GRIN2A: variants seen among roughly 807,000 people sequenced by gnomAD.
GRIN2A encodes glutamate receptor ionotropic, NMDA 2A.
In GRIN2A, 22 loss-of-function variants were observed where a neutral mutation model predicts 113.4. That is an observed-to-expected ratio of 0.19 (90% CI 0.14 to 0.28). The LOEUF (loss-of-function observed/expected upper bound fraction) is 0.28. GRIN2A is among the 10% of genes least tolerant of loss of function. The probability of loss-of-function intolerance (pLI) is 1.00; values close to 1 mark genes in which losing one functional copy is unlikely to be tolerated. For missense variants in GRIN2A, 1,502 were observed against 1,887.0 expected (o/e 0.80, Z 3.78); for synonymous variants, 827 against 738.4 (o/e 1.12, Z -1.94).
At chr16:10,155,673 G>C (rs1199745692) in intron 2 of GRIN2A, among the ~76,000 whole-genome samples, 2 of 152,196 alleles carry the variant, frequency 1.3e-5, no homozygotes, top group Admixed American at 1.3e-4. Context: ...AAGGGAAAGA[G>C]GTTTAATGGA....
chr16:10,134,806 C>A (rs943955623), intron 2 of GRIN2A, among the ~76,000 whole-genome samples: 1 of 152,098 alleles, frequency 6.6e-6, no homozygotes, highest in African/African-American at 2.4e-5. Flanking sequence ...ACAGTTCTTT[C>A]CTAGATAATC....
chr16:10,159,594 C>T (rs12596846), intron 2 of GRIN2A, among the ~76,000 whole-genome samples: 5 of 152,060 alleles, frequency 3.3e-5, no homozygotes, highest in Non-Finnish European at 7.3e-5. Context: ...CAACAAGCAG[C>T]GGAGTCTGTC....
intron 2 of GRIN2A, among the ~76,000 whole-genome samples, chr16:10,026,677 C>G (rs1205727570): frequency 6.8e-6 from 1 of 147,376 alleles, no homozygotes; most frequent in Non-Finnish European, 1.5e-5. Context: ...AGACCACCAC[C>G]AGCAGACATG....
intron 10 of GRIN2A, among the ~76,000 whole-genome samples, chr16:9,811,569 G>A (rs1458463976): frequency 2.0e-5 from 3 of 152,102 alleles, no homozygotes; most frequent in African/African-American, 7.2e-5. Context: ...GACCAGCCTG[G>A]TACAACGTGG....
intron 4 of GRIN2A, among the ~76,000 whole-genome samples, chr16:9,866,246 A>T (rs749676624): frequency 6.6e-6 from 1 of 152,216 alleles, no homozygotes; most frequent in Non-Finnish European, 1.5e-5. Context: ...TGAGAGGCAG[A>T]TCTGATGAGG....
Position 9,754,508 on chromosome 16 carries a change from A to C in GRIN2A, c.*8641T>G, listed in dbSNP as rs1215482809. ...GTTCCACTTTCATCTTTTCAAATTCATCAAAAATTTCAAACAAGATCACCT... is the reference window on the plus strand; with the variant it reads ...GTTCCACTTTCATCTTTTCAAATTCCTCAAAAATTTCAAACAAGATCACCT... On this transcript the variant is annotated 3_prime_UTR_variant, in exon 13 of 13. Coordinates refer to ENST00000330684, the MANE Select transcript of GRIN2A (RefSeq NM_001134407.3). 1 of 212,250 alleles carries C rather than the reference A, an allele frequency of 4.7e-6. No homozygotes were observed. Among genetic ancestry groups the C allele is most frequent in the Non-Finnish European group, 9.5e-6 (1 of 104,904 alleles). The allele number at this position is 212,250 out of a possible 1,614,324, so 13.1% of individuals were successfully genotyped here.
At chr16:9,942,044 A>T (rs974715957) in intron 2 of GRIN2A, among the ~76,000 whole-genome samples, 7 of 152,158 alleles carry the variant, frequency 4.6e-5, no homozygotes, top group Non-Finnish European at 1.0e-4. Flanking sequence ...TTGTATCAAA[A>T]CACCCAGTGT....
chr16:9,959,147 A>G (rs2045374514), intron 2 of GRIN2A, among the ~76,000 whole-genome samples: 2 of 152,226 alleles, frequency 1.3e-5, no homozygotes, highest in Admixed American at 1.3e-4. Context: ...CAGTGTTACA[A>G]GGACAAGTAT....
At chr16:10,131,426 C>A (rs2049060641) in intron 2 of GRIN2A, among the ~76,000 whole-genome samples, 1 of 151,604 alleles carries the variant, frequency 6.6e-6, no homozygotes, top group Non-Finnish European at 1.5e-5. Flanking sequence ...TCCCTCCTAG[C>A]ATGGCCAAGG....
At chr16:10,169,200 G>A (rs1319143883) in intron 2 of GRIN2A, among the ~76,000 whole-genome samples, 1 of 151,856 alleles carries the variant, frequency 6.6e-6, no homozygotes, top group Non-Finnish European at 1.5e-5. Flanking sequence ...TAGAGTCTAC[G>A]CAATCCTAAA....
At chr16:9,902,700 C>G (rs2043952262) in intron 3 of GRIN2A, among the ~76,000 whole-genome samples, 1 of 151,952 alleles carries the variant, frequency 6.6e-6, no homozygotes, top group African/African-American at 2.4e-5. Flanking sequence ...GTACCACACA[C>G]TTCTTTATTT....
chr16:9,827,913 A>G (rs1262842370), intron 9 of GRIN2A, among the ~76,000 whole-genome samples: 1 of 152,186 alleles, frequency 6.6e-6, no homozygotes, highest in Non-Finnish European at 1.5e-5. Flanking sequence ...TATCTTCTTT[A>G]TAATACTTAT....
intron 2 of GRIN2A, among the ~76,000 whole-genome samples, chr16:9,942,618 T>G (rs1195554668): frequency 6.6e-6 from 1 of 152,118 alleles, no homozygotes; most frequent in Non-Finnish European, 1.5e-5. Context: ...AGGGTCCTCA[T>G]CCTATTTCAA....
intron 2 of GRIN2A, among the ~76,000 whole-genome samples, chr16:10,139,661 C>G (rs1278298718): frequency 6.6e-6 from 1 of 152,108 alleles, no homozygotes; most frequent in Non-Finnish European, 1.5e-5. Flanking sequence ...AAGTATGCAA[C>G]CTTACCCAAA....
At chr16:9,831,230 T>G (rs1159010988) in intron 8 of GRIN2A, among the ~76,000 whole-genome samples, 1 of 152,194 alleles carries the variant, frequency 6.6e-6, no homozygotes, top group African/African-American at 2.4e-5. Flanking sequence ...TCCAGCATGC[T>G]TCAGGCAAAG....
chr16:10,016,199 A>C (rs575173607), intron 2 of GRIN2A, among the ~76,000 whole-genome samples: 1 of 151,024 alleles, frequency 6.6e-6, no homozygotes, highest in South Asian at 2.1e-4. Context: ...CGCAGAGAAG[A>C]GGCCCCCTAA....
intron 2 of GRIN2A, among the ~76,000 whole-genome samples, chr16:10,155,003 G>T (rs3852745): frequency 0.3 from 45,152 of 152,104 alleles, 7,323 homozygotes; most frequent in East Asian, 0.55. Context: ...TTTAAACCGT[G>T]TCTGTAGCGC....
chr16:10,113,648 A>G (rs952566183), intron 2 of GRIN2A, among the ~76,000 whole-genome samples: 1 of 152,252 alleles, frequency 6.6e-6, no homozygotes, highest in African/African-American at 2.4e-5. Flanking sequence ...ACACTACTGC[A>G]TGTATAAATT....
At chr16:9,990,909 A>G (rs774469731) in intron 2 of GRIN2A, among the ~76,000 whole-genome samples, 61 of 152,210 alleles carry the variant, frequency 4.0e-4, no homozygotes, top group Non-Finnish European at 7.1e-4. Flanking sequence ...TCTACTAAAA[A>G]TACAAAAGTT....
Sources: gnomAD v4.1 joint callset for allele counts (sites outside exome capture counted in the v4.1 genomes callset) on GRCh38, gnomAD v4.1.1 for gene constraint, MANE v1.5 for transcripts, NCBI Gene and HGNC (gene_info 2026-07-23, HGNC 2026-07-21) for gene names.